CADM2: variants seen among roughly 807,000 people sequenced by gnomAD.
CADM2 encodes immunoglobulin superfamily member 4D.
In CADM2, 12 loss-of-function variants were observed where a neutral mutation model predicts 49.8. That is an observed-to-expected ratio of 0.24 (90% CI 0.15 to 0.39). The LOEUF (loss-of-function observed/expected upper bound fraction) is 0.39, where lower values mean the gene tolerates loss of function less well. CADM2 is among the 10% of genes least tolerant of loss of function. CADM2 has a pLI of 1.00. For synonymous variants in CADM2, 214 were observed against 175.4 expected (o/e 1.22, Z -1.74); for missense variants, 378 against 492.3 (o/e 0.77, Z 2.20).
intron 8 of CADM2, among the ~76,000 whole-genome samples, chr3:85,968,090 A>G (rs993625768): frequency 7.3e-5 from 11 of 151,612 alleles, no homozygotes; most frequent in Admixed American, 2.0e-4. Context: ...GTGCTAATGG[A>G]AGAGCCCTAT....
chr3:85,912,582 C>G (rs201403660), intron 6 of CADM2, 39 bp downstream of exon 6: 65 of 1,567,376 alleles, frequency 4.1e-5, no homozygotes, highest in Admixed American at 1.1e-4. Context: ...ATCTCAGCAG[C>G]AAATCTCTTC....
chr3:85,418,931 T>G (rs1217090867), intron 1 of CADM2, among the ~76,000 whole-genome samples: 2 of 151,260 alleles, frequency 1.3e-5, no homozygotes, highest in South Asian at 2.1e-4. Flanking sequence ...TGACCTACCT[T>G]TCTAATTTTT....
intron 1 of CADM2, among the ~76,000 whole-genome samples, chr3:85,259,158 C>T (rs1283085192): frequency 6.6e-6 from 1 of 152,100 alleles, no homozygotes; most frequent in Non-Finnish European, 1.5e-5. Flanking sequence ...CTTTGCTTAC[C>T]ATTTAGTAAA....
chr3:85,133,862 G>A (rs1559681193), intron 1 of CADM2, among the ~76,000 whole-genome samples: 1 of 152,218 alleles, frequency 6.6e-6, no homozygotes, highest in East Asian at 1.9e-4. Flanking sequence ...GTGCGCCCGC[G>A]CTCCTCAGCC....
At chr3:85,693,348 A>T (rs1001663831) in intron 1 of CADM2, among the ~76,000 whole-genome samples, 1 of 151,926 alleles carries the variant, frequency 6.6e-6, no homozygotes, top group Non-Finnish European at 1.5e-5. Flanking sequence ...TGGGAGGCCG[A>T]GGCAGGCAGA....
chr3:85,858,142 A>G (rs1377793346), intron 3 of CADM2, among the ~76,000 whole-genome samples: 3 of 152,220 alleles, frequency 2.0e-5, no homozygotes, highest in Non-Finnish European at 4.4e-5. Context: ...GCCTTTAGCT[A>G]TGGGACGGTC....
chr3:85,581,170 T>C (rs2062785299), intron 1 of CADM2, among the ~76,000 whole-genome samples: 1 of 152,144 alleles, frequency 6.6e-6, no homozygotes, highest in Non-Finnish European at 1.5e-5. Context: ...ACATTGCACG[T>C]ACATTTGTCC....
At position 85,498,243 on chromosome 3, in the gene CADM2, A is replaced by T. The variant is rs189462216; in HGVS notation, c.62-228279A>T. Among the ~76,000 whole-genome samples the T allele has an allele frequency of 3.2e-4, 48 of 148,536 alleles. No individual in the cohort carries two copies. The East Asian group carries it at 8.9e-3, about 27-fold the overall frequency. The stretch of plus-strand genomic sequence containing the variant: ...TCACTGTTAAAAATGTGCCCCAAGC[A>T]TTGTGCTGAAGTGCTGTCTAGTGTT... On this transcript the variant is annotated intron_variant, in intron 1 of 9. Transcript: ENST00000383699.
chr3:84,974,534 A>G (rs1373870850), intron 1 of CADM2, among the ~76,000 whole-genome samples: 18 of 151,972 alleles, frequency 1.2e-4, no homozygotes, highest in Admixed American at 1.2e-3. Context: ...AACTTTTATA[A>G]AGGGAACTAG....
chr3:85,607,661 T>A (rs111280055), intron 1 of CADM2, among the ~76,000 whole-genome samples: 318 of 152,046 alleles, frequency 2.1e-3, no homozygotes, highest in African/African-American at 4.7e-3. Flanking sequence ...AATAATTATT[T>A]TTTTTTTTTC....
intron 2 of CADM2, among the ~76,000 whole-genome samples, chr3:85,744,670 A>T (rs960880411): frequency 7.2e-5 from 11 of 152,162 alleles, no homozygotes; most frequent in Admixed American, 2.6e-4. Flanking sequence ...TAAGTATAAG[A>T]TCAGAGCAAG....
At chr3:85,886,354 A>T in intron 5 of CADM2, 27 bp downstream of exon 5, 2 of 1,548,246 alleles carry the variant, frequency 1.3e-6, no homozygotes, top group Non-Finnish European at 1.8e-6. Flanking sequence ...TGAAAATCAA[A>T]ATTAATGTGC....
chr3:85,983,182 T>C (rs1727676558), intron 8 of CADM2, among the ~76,000 whole-genome samples: 1 of 151,708 alleles, frequency 6.6e-6, no homozygotes, highest in Non-Finnish European at 1.5e-5. Flanking sequence ...GAAACTACAC[T>C]GGATTGACAG....
intron 1 of CADM2, among the ~76,000 whole-genome samples, chr3:85,586,937 A>G (rs189411248): frequency 2.0e-5 from 3 of 152,196 alleles, no homozygotes; most frequent in East Asian, 1.9e-4. Context: ...GAATGGCCCA[A>G]TGAGGGGTAG....
intron 1 of CADM2, among the ~76,000 whole-genome samples, chr3:85,395,216 T>C (rs1392239471): frequency 2.1e-5 from 3 of 142,382 alleles, no homozygotes; most frequent in Non-Finnish European, 3.0e-5. Context: ...GAGGATCACA[T>C]GAGCCTGGGA....
rs368824742 is a variant in CADM2, at chr3:86,009,534, A to T, written c.970+47887A>T. ...TGAAATCGTATTTTGTTAAAACTTG[A>T]AACAATAGTTATATAACATATTTTG... On this transcript the variant is annotated intron_variant, in intron 8 of 9. Coordinates refer to ENST00000383699, the MANE Select transcript of CADM2 (RefSeq NM_001167675.2). 2.4e-4 allele frequency among the ~76,000 whole-genome samples: 36 copies of T among 151,918 alleles called. No individual in the cohort carries two copies. In the East Asian group the frequency reaches 4.6e-3, roughly 20 times the overall value.
At chr3:85,251,425 G>A (rs894302585) in intron 1 of CADM2, among the ~76,000 whole-genome samples, 22 of 151,744 alleles carry the variant, frequency 1.4e-4, no homozygotes, top group Non-Finnish European at 2.2e-4. Flanking sequence ...CATAGACAAG[G>A]AACCATGTAG....
At chr3:85,145,391 A>G (rs1377299233) in intron 1 of CADM2, among the ~76,000 whole-genome samples, 1 of 152,086 alleles carries the variant, frequency 6.6e-6, no homozygotes, top group Non-Finnish European at 1.5e-5. Context: ...TAGGTTTTCT[A>G]TGTTTCAAAT....
At chr3:85,287,320 G>A (rs1437241454) in intron 1 of CADM2, among the ~76,000 whole-genome samples, 2 of 151,106 alleles carry the variant, frequency 1.3e-5, no homozygotes, top group African/African-American at 4.9e-5. Context: ...TGTTTGTGAA[G>A]GAATACTTTT....
Sources: allele counts gnomAD v4.1 joint callset (sites outside exome capture counted in the v4.1 genomes callset), GRCh38; gene constraint gnomAD v4.1.1; transcripts MANE v1.5; gene names NCBI Gene and HGNC (gene_info 2026-07-23, HGNC 2026-07-21).